TTLL9: variants seen among roughly 807,000 people sequenced by gnomAD.
The protein encoded by TTLL9 is probable tubulin polyglutamylase TTLL9.
Under a neutral mutation model 65.6 loss-of-function variants are expected in TTLL9, and 47 were observed. The observed-to-expected ratio is 0.72, with a 90% CI of 0.57 to 0.91. The LOEUF is 0.91. Ranked by LOEUF, TTLL9 falls within the 40% of genes least tolerant of loss-of-function variation. The pLI is 0.00. For missense variants in TTLL9, 537 were observed against 568.8 expected, an observed-to-expected ratio of 0.94 and a Z score of 0.57; for synonymous variants, 179 against 204.8, an observed-to-expected ratio of 0.87 and a Z score of 1.07.
Position 31,879,750 on chromosome 20 carries a change from G to T in TTLL9, c.70-7446G>T, listed in dbSNP as rs529533440. ...TGGTGGACCAGAGCCTGCGCACTCC[G>T]CCGAGAGCATGCCCTTGGCTCATCC... On this transcript the variant is annotated intron_variant, in intron 2 of 14. Coordinates refer to ENST00000535842, the MANE Select transcript of TTLL9 (RefSeq NM_001008409.5). The T allele has an allele frequency of 1.0e-5, 15 of 1,474,056 alleles. No homozygotes were observed. The African/African-American group carries it at 2.0e-4, about 19-fold the overall frequency. The allele number at this position is 1,474,056 out of a possible 1,614,324, so 91.3% of individuals were successfully genotyped here.
intron 4 of TTLL9, among the ~76,000 whole-genome samples, chr20:31,904,350 C>CTTTTTTTTTT (rs71185374): frequency 2.4e-5 from 2 of 81,766 alleles, no homozygotes; most frequent in African/African-American, 9.5e-5. Flanking sequence ...TTTGATAATT[C>CTTTTTTTTTT]TTTTTTTTTT....
rs879613715 is a variant in TTLL9, at chr20:31,927,628, G to A, written c.748+1537G>A. 2.7e-4 allele frequency among the ~76,000 whole-genome samples: 41 copies of A among 152,182 alleles called. 1 individual carries two copies. Among genetic ancestry groups the A allele is most frequent in the Non-Finnish European group, 4.6e-4 (31 of 68,012 alleles). On this transcript the variant is annotated intron_variant, in intron 10 of 14. Coordinates refer to ENST00000535842, the MANE Select transcript of TTLL9 (RefSeq NM_001008409.5). ...TTTGAGCCATGTGAATGTATTATCTGGTCAAAATAGACACATCAAAAGAAG... is the reference window on the plus strand; with the variant it reads ...TTTGAGCCATGTGAATGTATTATCTAGTCAAAATAGACACATCAAAAGAAG...
intron 6 of TTLL9, among the ~76,000 whole-genome samples, chr20:31,918,013 C>T (rs2063761461): frequency 6.6e-6 from 1 of 152,106 alleles, no homozygotes; most frequent in Admixed American, 6.6e-5. Context: ...GGCATATCCC[C>T]CGGGTTGCTT....
chr20:31,874,241 C>A (rs780994148), intron 2 of TTLL9, among the ~76,000 whole-genome samples: 6 of 152,036 alleles, frequency 3.9e-5, no homozygotes, highest in Non-Finnish European at 5.9e-5. Context: ...TGGGTCTCAC[C>A]CTGTCATTCC....
At chr20:31,893,281 T>G (rs987710432) in intron 3 of TTLL9, among the ~76,000 whole-genome samples, 9 of 151,160 alleles carry the variant, frequency 6.0e-5, no homozygotes, top group Non-Finnish European at 1.2e-4. Context: ...TGAAGTCAGC[T>G]GTTCTTTTTC....
intron 4 of TTLL9, among the ~76,000 whole-genome samples, chr20:31,899,890 G>A (rs537892828): frequency 2.6e-5 from 4 of 151,682 alleles, no homozygotes; most frequent in South Asian, 2.1e-4. Flanking sequence ...TCAGCCTCCC[G>A]AGTAGGACTA....
At chr20:31,919,353 C>A (rs1375105464) in intron 6 of TTLL9, among the ~76,000 whole-genome samples, 2 of 152,046 alleles carry the variant, frequency 1.3e-5, no homozygotes, top group Non-Finnish European at 2.9e-5. Flanking sequence ...CAAGGCCAGG[C>A]AGGAGGACTG....
intron 3 of TTLL9, 98 bp downstream of exon 3, chr20:31,887,337 A>G (rs2063207629): frequency 7.6e-7 from 1 of 1,324,040 alleles, no homozygotes. Context: ...TTCAACAATT[A>G]TAATGAAAAT....
At chr20:31,874,063 A>G (rs527961773) in intron 2 of TTLL9, among the ~76,000 whole-genome samples, 9 of 152,370 alleles carry the variant, frequency 5.9e-5, no homozygotes, top group Admixed American at 2.6e-4. Flanking sequence ...AATTACATGT[A>G]GGAAAGAATT....
rs778034400 is a variant in TTLL9 at position 31,937,413 on chromosome 20, A to G, written c.1022A>G (p.Asn341Ser). 8.7e-6 allele frequency: 14 copies of G among 1,613,608 alleles called. No homozygotes were observed. Among genetic ancestry groups the G allele is most frequent in the South Asian group, 3.3e-5 (3 of 91,060 alleles). The stretch of plus-strand genomic sequence containing the variant: ...CTTCCCAGGTGGCTCCTGGAGGTCA[A>G]TGCGTCCCCATCACTGACAGCCAGC... The part of the protein sequence containing the change: ...QDLKPWLLEV[N>S]ASPSLTASSQ... Residue 341 changes from asparagine to serine, a missense_variant, in exon 13 of 15, where the codon AAT (asparagine) becomes AGT (serine). Asn to Ser is a conservative substitution (Grantham distance 46, BLOSUM62 1). Transcript: ENST00000535842.
intron 8 of TTLL9, among the ~76,000 whole-genome samples, chr20:31,924,521 C>G (rs780798682): frequency 6.6e-6 from 1 of 152,032 alleles, no homozygotes; most frequent in Non-Finnish European, 1.5e-5. Context: ...GACTTTCCCC[C>G]AAGTTGACCC....
At chr20:31,882,099 C>G (rs1457855600) in intron 2 of TTLL9, among the ~76,000 whole-genome samples, 1 of 152,128 alleles carries the variant, frequency 6.6e-6, no homozygotes, top group African/African-American at 2.4e-5. Flanking sequence ...CTTAAGAGAA[C>G]ATGCCAGGAT....
intron 4 of TTLL9, among the ~76,000 whole-genome samples, chr20:31,907,697 G>T (rs1411504302): frequency 6.6e-6 from 1 of 151,180 alleles, no homozygotes; most frequent in Non-Finnish European, 1.5e-5. Flanking sequence ...CTCCAGCCTG[G>T]GTAACAAAGT....
rs936797043 is a variant in TTLL9 at position 31,943,695 on chromosome 20, C to T, written c.*674C>T. 1 of 456,546 alleles carries T rather than the reference C, an allele frequency of 2.2e-6. No individual in the cohort carries two copies. Among genetic ancestry groups the T allele is most frequent in the Non-Finnish European group, 4.4e-6 (1 of 226,890 alleles). The allele number at this position is 456,546 out of a possible 1,614,324, so 28.3% of individuals were successfully genotyped here. A position where few individuals can be genotyped will look rare whatever the true frequency, so the allele number is the denominator to read the frequency against. On this transcript the variant is annotated 3_prime_UTR_variant, in exon 15 of 15. Transcript: ENST00000535842. Reference sequence around the variant, plus strand: ...AGATGGACAAGACAGACCAGGGAGGCAGAGCTTAGTGAGGGTCTCTGCAAA... The same window carrying T: ...AGATGGACAAGACAGACCAGGGAGGTAGAGCTTAGTGAGGGTCTCTGCAAA...
rs1470328282 is a variant in TTLL9, at chr20:31,923,041, T to C, written c.652T>C (p.Tyr218His). The change falls in exon 8 of 15, where the codon TAC (tyrosine) becomes CAC (histidine). Residue 218 changes from tyrosine (Y) to histidine (H), a missense_variant. By Grantham distance (83) the Tyr-to-His change is moderately conservative. Coordinates refer to ENST00000535842, the MANE Select transcript of TTLL9 (RefSeq NM_001008409.5). ...GGCTCAGCGTTACATTGAAAATCCT[T>C]ACCTGATAGGAGGTGAGATGGCTGT... Reference protein sequence around the residue: ...YVAQRYIENPYLIGGRKFDLR... With the variant: ...YVAQRYIENPHLIGGRKFDLR... 6.2e-7 allele frequency: 1 copy of C among 1,613,196 alleles called. No homozygotes were observed. The highest frequency in any genetic ancestry group is 1.1e-5 in the South Asian group (1 of 91,060).
At chr20:31,909,606 G>C (rs2063614263) in intron 5 of TTLL9, 131 bp from the exon 6 acceptor site, 2 of 752,284 alleles carry the variant, frequency 2.7e-6, no homozygotes, top group East Asian at 5.4e-5. Context: ...CTGGGTCAAA[G>C]TTACTCTTAC....
chr20:31,907,521 A>G (rs567222537), intron 4 of TTLL9, among the ~76,000 whole-genome samples: 2 of 152,316 alleles, frequency 1.3e-5, no homozygotes, highest in South Asian at 4.1e-4. Context: ...CAGGAGTTCG[A>G]GGCCAGCCTG....
At chr20:31,894,907 G>A (rs1037411168) in intron 3 of TTLL9, among the ~76,000 whole-genome samples, 2 of 152,030 alleles carry the variant, frequency 1.3e-5, no homozygotes, top group Admixed American at 6.6e-5. Flanking sequence ...CTGCCGTCTT[G>A]AGCTTGTTAG....
chr20:31,922,003 T>C (rs1230423435), intron 7 of TTLL9, among the ~76,000 whole-genome samples: 1 of 152,108 alleles, frequency 6.6e-6, no homozygotes, highest in Non-Finnish European at 1.5e-5. Context: ...GCGTGGTGGC[T>C]CACACCTGTA....
Sources: allele counts gnomAD v4.1 joint callset (sites outside exome capture counted in the v4.1 genomes callset), GRCh38; gene constraint gnomAD v4.1.1; transcripts MANE v1.5; gene names NCBI Gene and HGNC (gene_info 2026-07-23, HGNC 2026-07-21).